HS3ST4: variants seen among roughly 807,000 people sequenced by gnomAD.
HS3ST4 encodes the protein heparan sulfate glucosamine 3-O-sulfotransferase 4.
Under a neutral mutation model 29.2 loss-of-function variants are expected in HS3ST4, and 17 were observed. The observed-to-expected ratio is 0.58, with a 90% CI of 0.40 to 0.87. HS3ST4 has a LOEUF of 0.87. HS3ST4 is among the 40% of genes least tolerant of loss of function. HS3ST4 has a pLI of 0.00. For missense variants in HS3ST4, 627 were observed against 634.5 expected (o/e 0.99, Z 0.13); for synonymous variants, 314 against 285.7 (o/e 1.10, Z -1.00).
intron 1 of HS3ST4, among the ~76,000 whole-genome samples, chr16:26,043,489 C>T (rs1360882190): frequency 6.6e-6 from 1 of 152,096 alleles, no homozygotes; most frequent in African/African-American, 2.4e-5. Context: ...GTTGCTTTAC[C>T]TCTCTGAGGC....
chr16:26,078,820 G>A (rs933917496), intron 1 of HS3ST4, among the ~76,000 whole-genome samples: 3 of 152,200 alleles, frequency 2.0e-5, no homozygotes, highest in African/African-American at 4.8e-5. Flanking sequence ...CTTTAACCAC[G>A]ATGCTGTATT....
chr16:25,824,273 C>T (rs1967194251), intron 1 of HS3ST4, among the ~76,000 whole-genome samples: 1 of 152,234 alleles, frequency 6.6e-6, no homozygotes, highest in African/African-American at 2.4e-5. Flanking sequence ...GATCCTTCCA[C>T]ATACTGTTTA....
chr16:25,927,816 C>T (rs1035449299), intron 1 of HS3ST4, among the ~76,000 whole-genome samples: 6 of 151,878 alleles, frequency 4.0e-5, no homozygotes, highest in African/African-American at 1.5e-4. Context: ...CTATTGAGCA[C>T]CTACCATGTT....
chr16:25,936,403 C>T (rs1216708108), intron 1 of HS3ST4, among the ~76,000 whole-genome samples: 1 of 152,126 alleles, frequency 6.6e-6, no homozygotes, highest in Admixed American at 6.5e-5. Context: ...GCTAGAGAGA[C>T]ACCAGTAAGT....
At chr16:25,820,809 G>A (rs966476873) in intron 1 of HS3ST4, among the ~76,000 whole-genome samples, 1 of 151,946 alleles carries the variant, frequency 6.6e-6, no homozygotes, top group African/African-American at 2.4e-5. Flanking sequence ...AGGCTCAAGT[G>A]ATCTTCCTGC....
chr16:26,136,417 A>G lies in HS3ST4; in HGVS notation c.*169A>G. 1 of 646,118 alleles carries G rather than the reference A, an allele frequency of 1.5e-6. No individual in the cohort carries two copies. The highest frequency in any genetic ancestry group is 2.0e-5 in the South Asian group (1 of 50,202). The allele number at this position is 646,118 out of a possible 1,614,324, so 40.0% of individuals were successfully genotyped here. On this transcript the variant is annotated 3_prime_UTR_variant, in exon 2 of 2. Coordinates refer to ENST00000331351, the MANE Select transcript of HS3ST4 (RefSeq NM_006040.3). ...GCTGTTAGCTTAGGCAAACAGGTGGATCCCATGGCATCCCCATGGAGGAAC... is the reference window on the plus strand; with the variant it reads ...GCTGTTAGCTTAGGCAAACAGGTGGGTCCCATGGCATCCCCATGGAGGAAC...
chr16:25,821,949 T>C (rs1967161862), intron 1 of HS3ST4, among the ~76,000 whole-genome samples: 1 of 152,206 alleles, frequency 6.6e-6, no homozygotes, highest in Non-Finnish European at 1.5e-5. Flanking sequence ...GAGCTTTGCA[T>C]ATTTGAGACT....
At chr16:25,869,254 C>G (rs564618490) in intron 1 of HS3ST4, among the ~76,000 whole-genome samples, 18 of 152,036 alleles carry the variant, frequency 1.2e-4, no homozygotes, top group African/African-American at 3.6e-4. Flanking sequence ...CACAGCTTCC[C>G]CTAGAGGAAG....
intron 1 of HS3ST4, among the ~76,000 whole-genome samples, chr16:25,921,277 A>G (rs1245641931): frequency 1.3e-5 from 2 of 152,230 alleles, no homozygotes; most frequent in East Asian, 3.9e-4. Flanking sequence ...AAAGAGATTC[A>G]GCATCCATAC....
In HS3ST4 at chr16:26,004,761, T is replaced by G. The variant is rs1969242222; in HGVS notation, c.735-130851T>G. Among the ~76,000 whole-genome samples the G allele has an allele frequency of 1.3e-5, 2 of 152,202 alleles. 1 individual carries two copies. Among genetic ancestry groups the G allele is most frequent in the Admixed American group, 1.3e-4 (2 of 15,286 alleles). ...GCTGCCATCATGGTAGCATGGGCAA[T>G]GTATGATGTGGCACATCATGATACC... On this transcript the variant is annotated intron_variant, in intron 1 of 1. Coordinates refer to ENST00000331351, the MANE Select transcript of HS3ST4 (RefSeq NM_006040.3).
intron 1 of HS3ST4, among the ~76,000 whole-genome samples, chr16:26,094,849 T>G (rs775239782): frequency 6.6e-6 from 1 of 152,178 alleles, no homozygotes; most frequent in Non-Finnish European, 1.5e-5. Flanking sequence ...GACCCATCAG[T>G]GTGCTGTATT....
At chr16:25,743,827 T>C (rs1274449995) in intron 1 of HS3ST4, among the ~76,000 whole-genome samples, 1 of 152,178 alleles carries the variant, frequency 6.6e-6, no homozygotes, top group African/African-American at 2.4e-5. Flanking sequence ...CTTATGCTGA[T>C]TTCCTCTGAC....
At chr16:25,829,850 GTC>G (rs1430974977) in intron 1 of HS3ST4, among the ~76,000 whole-genome samples, 1 of 152,040 alleles carries the variant, frequency 6.6e-6, no homozygotes, top group Non-Finnish European at 1.5e-5. Flanking sequence ...TTGAGTTGGA[GTC>G]TTGCTCTGTC....
chr16:25,820,038 A>AAAAAAAAAAAAAAAAAAAAAAAC (rs1967133596), intron 1 of HS3ST4, among the ~76,000 whole-genome samples: 1 of 122,278 alleles, frequency 8.2e-6, no homozygotes, highest in Non-Finnish European at 1.7e-5. Flanking sequence ...AAAAAAAAAA[A>AAAAAAAAAAAAAAAAAAAAAAAC]AAAAAAAAAA....
intron 1 of HS3ST4, among the ~76,000 whole-genome samples, chr16:25,819,894 C>G (rs892394992): frequency 6.6e-6 from 1 of 150,948 alleles, no homozygotes; most frequent in Non-Finnish European, 1.5e-5. Flanking sequence ...GCCTGTAACT[C>G]TAGCTACTTG....
At chr16:26,076,199 G>A (rs770151946) in intron 1 of HS3ST4, among the ~76,000 whole-genome samples, 1 of 152,144 alleles carries the variant, frequency 6.6e-6, no homozygotes, top group African/African-American at 2.4e-5. Flanking sequence ...AATAACGTGA[G>A]AGAGAGGCAT....
At chr16:25,819,133 G>A (rs1297583157) in intron 1 of HS3ST4, among the ~76,000 whole-genome samples, 2 of 152,160 alleles carry the variant, frequency 1.3e-5, no homozygotes, top group Admixed American at 1.3e-4. Context: ...GGAAGATTAG[G>A]TTTGAAAAAC....
intron 1 of HS3ST4, among the ~76,000 whole-genome samples, chr16:25,723,173 C>G (rs892436645): frequency 2.6e-5 from 4 of 152,156 alleles, no homozygotes; most frequent in Non-Finnish European, 5.9e-5. Context: ...AATTCAAGAT[C>G]AGATTTGGGT....
At chr16:25,787,774 G>A (rs1442267500) in intron 1 of HS3ST4, among the ~76,000 whole-genome samples, 1 of 152,184 alleles carries the variant, frequency 6.6e-6, no homozygotes, top group African/African-American at 2.4e-5. Flanking sequence ...TACATTAAGA[G>A]AAACAAAATA....
Sources: allele counts gnomAD v4.1 joint callset (sites outside exome capture counted in the v4.1 genomes callset), GRCh38; gene constraint gnomAD v4.1.1; transcripts MANE v1.5; gene names NCBI Gene and HGNC (gene_info 2026-07-23, HGNC 2026-07-21).